The following ZNF487 variants were observed in gnomAD, a reference collection of about 807,000 sequenced individuals.
The protein encoded by ZNF487 is KRAB domain only 1.
A neutral mutation model predicts 3.0 loss-of-function variants in ZNF487; 4 were observed. The ratio of observed to expected loss-of-function variants is 1.35; its 90% CI spans 0.66 to 3.08. The LOEUF (loss-of-function observed/expected upper bound fraction) is 3.08. ZNF487 is among the 30% of genes most tolerant of loss of function. ZNF487 has a pLI of 0.01. For synonymous variants in ZNF487, 55 were observed against 34.6 expected (o/e 1.59, Z -2.06); for missense variants, 146 against 98.7 (o/e 1.48, Z -2.03).
intron 3 of ZNF487, among the ~76,000 whole-genome samples, chr10:43,479,069 G>A (rs1841210171): frequency 1.4e-5 from 2 of 141,988 alleles, no homozygotes; most frequent in South Asian, 4.5e-4. Context: ...GTGAATATAT[G>A]TATGTATGTA....
At chr10:43,483,938 G>A (rs201867149), downstream of ZNF487, among the ~76,000 whole-genome samples, 8 of 151,988 alleles carry the variant, frequency 5.3e-5, no homozygotes, top group East Asian at 7.8e-4. Flanking sequence ...TGCAACGTCC[G>A]CCTCCCTGCA....
chr10:43,465,192 T>C (rs1840639281), intron 1 of ZNF487, among the ~76,000 whole-genome samples: 1 of 141,200 alleles, frequency 7.1e-6, no homozygotes, highest in Non-Finnish European at 1.5e-5. Flanking sequence ...GGCGGGGGGC[T>C]GACCCCCCCA....
the ZNF487 span, among the ~76,000 whole-genome samples, chr10:43,512,528 G>A: frequency 1.3e-5 from 2 of 152,162 alleles, no homozygotes; most frequent in Admixed American, 1.3e-4. Flanking sequence ...GCCAAGAACT[G>A]TCTCTCATAA....
At chr10:43,473,511 CCT>C (rs1837153357) in intron 1 of ZNF487, among the ~76,000 whole-genome samples, 1 of 151,848 alleles carries the variant, frequency 6.6e-6, no homozygotes, top group Admixed American at 6.6e-5. Context: ...TTTTGACATA[CCT>C]TTTTTCCCTT....
At chr10:43,480,787 C>G (rs1379763780) in intron 3 of ZNF487, among the ~76,000 whole-genome samples, 4 of 151,670 alleles carry the variant, frequency 2.6e-5, no homozygotes, top group Admixed American at 1.3e-4. Context: ...TTATTTTCTT[C>G]CATTAATTGC....
chr10:43,498,270 A>AT, the ZNF487 span, among the ~76,000 whole-genome samples: 16 of 107,122 alleles, frequency 1.5e-4, no homozygotes, highest in African/African-American at 5.9e-4. Context: ...ATATATATAT[A>AT]TATATTTTTT....
chr10:43,487,275 G>T (rs115615534), downstream of ZNF487, among the ~76,000 whole-genome samples: 388 of 151,778 alleles, frequency 2.6e-3, no homozygotes, highest in African/African-American at 8.6e-3. Context: ...GATTAGTTGG[G>T]ATTACAGACG....
intron 1 of ZNF487, among the ~76,000 whole-genome samples, chr10:43,440,517 GCATGGTAATGCTT>G (rs1156624920): frequency 1.3e-5 from 2 of 152,050 alleles, no homozygotes; most frequent in Non-Finnish European, 2.9e-5. Context: ...AATTAGCCCG[GCATGGTAATGCTT>G]ACCTGTAGTC....
intron 3 of ZNF487, among the ~76,000 whole-genome samples, chr10:43,476,953 A>C (rs1460130519): frequency 6.6e-6 from 1 of 152,184 alleles, no homozygotes; most frequent in African/African-American, 2.4e-5. Context: ...TTTTATGCTG[A>C]GGCACTGGCT....
intron 1 of ZNF487, among the ~76,000 whole-genome samples, chr10:43,473,395 C>G (rs781295330): frequency 5.3e-5 from 8 of 152,196 alleles, no homozygotes; most frequent in Middle Eastern, 3.4e-3. Context: ...CACTATTTAA[C>G]TCTGTTTTGG....
intron 1 of ZNF487, among the ~76,000 whole-genome samples, chr10:43,443,541 T>G (rs544431405): frequency 2.0e-4 from 30 of 150,292 alleles, no homozygotes; most frequent in Non-Finnish European, 3.7e-4. Flanking sequence ...ACCCAGCTAA[T>G]TTTTGTATTT....
At chr10:43,487,454 CT>C (rs1223205564), downstream of ZNF487, among the ~76,000 whole-genome samples, 149 of 127,176 alleles carry the variant, frequency 1.2e-3, no homozygotes, top group Admixed American at 1.4e-3. Context: ...ACATTTTTTT[CT>C]TTTTTTTTTT....
chr10:43,512,956 C>G, the ZNF487 span, among the ~76,000 whole-genome samples: 1 of 152,184 alleles, frequency 6.6e-6, no homozygotes, highest in Non-Finnish European at 1.5e-5. Context: ...CCACTGGACC[C>G]CTAGAAATTT....
chr10:43,494,325 T>C, the ZNF487 span, among the ~76,000 whole-genome samples: 1 of 152,236 alleles, frequency 6.6e-6, no homozygotes, highest in Non-Finnish European at 1.5e-5. Context: ...TTCTTTTGAT[T>C]TTTTCCTAAC....
At chr10:43,488,598 A>G in the ZNF487 span, among the ~76,000 whole-genome samples, 1 of 152,218 alleles carries the variant, frequency 6.6e-6, no homozygotes, top group Non-Finnish European at 1.5e-5. Context: ...ATCTTGTAAC[A>G]CAACAAATGA....
chr10:43,501,911 G>C, the ZNF487 span, among the ~76,000 whole-genome samples: 50 of 151,900 alleles, frequency 3.3e-4, no homozygotes, highest in African/African-American at 1.1e-3. Context: ...AACCAAATGA[G>C]GCAAGACTTG....
At chr10:43,479,142 T>TACACA (rs1841218675) in intron 3 of ZNF487, among the ~76,000 whole-genome samples, 1 of 149,136 alleles carries the variant, frequency 6.7e-6, no homozygotes, top group Non-Finnish European at 1.5e-5. Flanking sequence ...TATATATAAA[T>TACACA]TTGTACTGAT....
chr10:43,469,483 G>A (rs546280503), intron 1 of ZNF487, among the ~76,000 whole-genome samples: 22 of 152,146 alleles, frequency 1.4e-4, no homozygotes, highest in East Asian at 1.2e-3. Context: ...GTGAGCCACC[G>A]CGCCTGGCCA....
At chr10:43,448,151 G>A (rs2132051211) in intron 1 of ZNF487, among the ~76,000 whole-genome samples, 1 of 151,562 alleles carries the variant, frequency 6.6e-6, no homozygotes, top group East Asian at 1.9e-4. Context: ...CATCATGCCC[G>A]GCTAATTTTT....
Sources: allele counts gnomAD v4.1 joint callset (sites outside exome capture counted in the v4.1 genomes callset), GRCh38; gene constraint gnomAD v4.1.1; transcripts MANE v1.5; gene names NCBI Gene and HGNC (gene_info 2026-07-23, HGNC 2026-07-21).